The following ADGRB3 variants were observed in gnomAD, a reference collection of about 807,000 sequenced individuals.
The protein encoded by ADGRB3 is brain-specific angiogenesis inhibitor 3.
In ADGRB3, 37 loss-of-function variants were observed where a neutral mutation model predicts 193.4. That is an observed-to-expected ratio of 0.19 (90% CI 0.15 to 0.25). ADGRB3 has a LOEUF of 0.25. ADGRB3 is among the 10% of genes least tolerant of loss of function. The pLI is 1.00. For synonymous variants in ADGRB3, 690 were observed against 644.2 expected, an observed-to-expected ratio of 1.07 and a Z score of -1.08; for missense variants, 1,637 against 1,852.9, an observed-to-expected ratio of 0.88 and a Z score of 2.14.
At chr6:69,086,065 A>C (rs1178395222) in intron 17 of ADGRB3, among the ~76,000 whole-genome samples, 1 of 152,006 alleles carries the variant, frequency 6.6e-6, no homozygotes, top group East Asian at 1.9e-4. Flanking sequence ...AGGGTTGTAA[A>C]TCAAGCAATA....
At chr6:69,095,570 G>T (rs1422397100) in intron 17 of ADGRB3, among the ~76,000 whole-genome samples, 1 of 152,196 alleles carries the variant, frequency 6.6e-6, no homozygotes, top group African/African-American at 2.4e-5. Context: ...AAAAGCTGGG[G>T]TTTAGCAATG....
chr6:69,360,815 G>T, intron 28 of ADGRB3, 54 bp from the exon 29 acceptor site: 1 of 1,478,714 alleles, frequency 6.8e-7, no homozygotes, highest in South Asian at 1.4e-5. Context: ...ATATAATAAT[G>T]AAAAATAAAC....
intron 3 of ADGRB3, among the ~76,000 whole-genome samples, chr6:68,788,494 G>A (rs190721192): frequency 5.9e-5 from 9 of 152,194 alleles, no homozygotes; most frequent in African/African-American, 1.7e-4. Flanking sequence ...CTGAGTTCTA[G>A]TTTGATTGCA....
chr6:68,961,528 G>A (rs1201257382), intron 8 of ADGRB3, among the ~76,000 whole-genome samples: 1 of 152,084 alleles, frequency 6.6e-6, no homozygotes, highest in Non-Finnish European at 1.5e-5. Context: ...TTTCTCCTCA[G>A]GTTCCAGTTA....
At chr6:69,159,648 G>T (rs973288657) in intron 17 of ADGRB3, among the ~76,000 whole-genome samples, 1 of 152,058 alleles carries the variant, frequency 6.6e-6, no homozygotes, top group Non-Finnish European at 1.5e-5. Flanking sequence ...ATATACATTT[G>T]TTCATGGAGT....
chr6:68,966,966 T>C lies in ADGRB3; in HGVS notation c.1526-7797T>C, dbSNP rs560332333. Reference sequence around the variant, plus strand: ...AGCTATTTTGCTTTTGGTATAAGCATAAATCGACCTATTTTCTGAGATAGA... The same window carrying C: ...AGCTATTTTGCTTTTGGTATAAGCACAAATCGACCTATTTTCTGAGATAGA... On this transcript the variant is annotated intron_variant, in intron 8 of 31. Coordinates refer to ENST00000370598, the MANE Select transcript of ADGRB3 (RefSeq NM_001704.3). Among the ~76,000 whole-genome samples the C allele has an allele frequency of 2.6e-5, 4 of 152,296 alleles. No homozygotes were observed. The South Asian group carries it at 8.3e-4, about 32-fold the overall frequency.
In ADGRB3 at chr6:68,920,985, A is replaced by G. The variant is rs78750855; in HGVS notation, c.758-9574A>G. 3.6e-4 allele frequency among the ~76,000 whole-genome samples: 55 copies of G among 152,272 alleles called. No individual in the cohort carries two copies. The East Asian group carries it at 0.01, about 29-fold the overall frequency. On this transcript the variant is annotated intron_variant, in intron 3 of 31. Transcript: ENST00000370598. ...TGACAGATTTTTAAAAATACGCTTT[A>G]TGTATATGTAAAAAATTAGGGTATA...
chr6:68,641,411 A>T (rs530196011), intron 3 of ADGRB3, among the ~76,000 whole-genome samples: 4 of 152,342 alleles, frequency 2.6e-5, no homozygotes, highest in African/African-American at 9.6e-5. Flanking sequence ...TTTAGACAGC[A>T]GATGTATAAA....
intron 20 of ADGRB3, among the ~76,000 whole-genome samples, chr6:69,281,605 T>C (rs1428916235): frequency 6.6e-6 from 1 of 152,140 alleles, no homozygotes; most frequent in East Asian, 1.9e-4. Flanking sequence ...CAGCCTACAT[T>C]GCTCTAAGTT....
chr6:69,301,889 A>G (rs1346073926), intron 20 of ADGRB3, among the ~76,000 whole-genome samples: 2 of 151,988 alleles, frequency 1.3e-5, no homozygotes, highest in Non-Finnish European at 2.9e-5. Context: ...CTCTAATATA[A>G]TTCAAGAAAA....
chr6:68,873,790 A>G (rs906187113), intron 3 of ADGRB3, among the ~76,000 whole-genome samples: 11 of 152,090 alleles, frequency 7.2e-5, no homozygotes, highest in Non-Finnish European at 7.4e-5. Context: ...TAAAATTATG[A>G]TAACTTCATT....
intron 6 of ADGRB3, among the ~76,000 whole-genome samples, chr6:68,955,207 C>T (rs1431506449): frequency 1.3e-5 from 2 of 152,184 alleles, no homozygotes; most frequent in Non-Finnish European, 2.9e-5. Context: ...TTCTCTTTAT[C>T]CTTCAAGGCT....
chr6:68,915,259 A>G (rs1323145153), intron 3 of ADGRB3, among the ~76,000 whole-genome samples: 1 of 149,820 alleles, frequency 6.7e-6, no homozygotes, highest in East Asian at 1.9e-4. Context: ...TCAGCTTCAT[A>G]AGTAAAATGA....
chr6:68,920,004 A>G (rs999517648), intron 3 of ADGRB3, among the ~76,000 whole-genome samples: 19 of 152,328 alleles, frequency 1.2e-4, no homozygotes, highest in East Asian at 1.2e-3. Context: ...GAGGGGGTTG[A>G]GATGGAAGCA....
intron 3 of ADGRB3, among the ~76,000 whole-genome samples, chr6:68,776,042 A>C (rs1766740294): frequency 6.6e-6 from 1 of 152,090 alleles, no homozygotes; most frequent in African/African-American, 2.4e-5. Context: ...AATTTTCCTT[A>C]CATGCTTTTA....
intron 29 of ADGRB3, among the ~76,000 whole-genome samples, chr6:69,368,426 G>A (rs1473008404): frequency 6.6e-6 from 1 of 152,124 alleles, no homozygotes; most frequent in East Asian, 1.9e-4. Context: ...CTGGTGGATT[G>A]AATGTGGAAA....
At chr6:68,737,146 T>A (rs1765888222) in intron 3 of ADGRB3, among the ~76,000 whole-genome samples, 1 of 152,138 alleles carries the variant, frequency 6.6e-6, no homozygotes, top group Admixed American at 6.6e-5. Context: ...AATTTGTATA[T>A]GCATCTTAGA....
intron 3 of ADGRB3, among the ~76,000 whole-genome samples, chr6:68,697,496 A>C (rs1765176773): frequency 6.6e-6 from 1 of 151,922 alleles, no homozygotes; most frequent in African/African-American, 2.4e-5. Flanking sequence ...GCAGGAGGTT[A>C]AGCTTTTCAT....
intron 17 of ADGRB3, among the ~76,000 whole-genome samples, chr6:69,230,984 A>G (rs1766122059): frequency 6.6e-6 from 1 of 152,220 alleles, no homozygotes. Flanking sequence ...AGCCTAGAGA[A>G]AGTGTGCATG....
Sources: allele counts gnomAD v4.1 joint callset (sites outside exome capture counted in the v4.1 genomes callset), GRCh38; gene constraint gnomAD v4.1.1; transcripts MANE v1.5; gene names NCBI Gene and HGNC (gene_info 2026-07-23, HGNC 2026-07-21).